The following MYO1B variants were observed in gnomAD, a reference collection of about 807,000 sequenced individuals.
MYO1B encodes the protein unconventional myosin-Ib.
Under a neutral mutation model 159.7 loss-of-function variants are expected in MYO1B, and 72 were observed. The ratio of observed to expected loss-of-function variants is 0.45; its 90% CI spans 0.37 to 0.55. The LOEUF is 0.55. MYO1B is among the 20% of genes least tolerant of loss of function. MYO1B has a pLI of 0.00. For synonymous variants in MYO1B, 468 were observed against 473.8 expected, an observed-to-expected ratio of 0.99 and a Z score of 0.16; for missense variants, 1,062 against 1,364.8, an observed-to-expected ratio of 0.78 and a Z score of 3.50.
intron 7 of MYO1B, among the ~76,000 whole-genome samples, chr2:191,353,412 AG>A (rs1479323981): frequency 6.6e-6 from 1 of 152,228 alleles, no homozygotes. Context: ...ACAAGTCGCA[AG>A]GGATTCTGTC....
In MYO1B at chr2:191,414,101, A is replaced by T. The variant is rs2356643; in HGVS notation, c.2927A>T (p.Tyr976Phe). 1.2e-6 allele frequency: 2 copies of T among 1,613,536 alleles called. No homozygotes were observed. Among genetic ancestry groups the T allele is most frequent in the Non-Finnish European group, 8.5e-7 (1 of 1,179,768 alleles). Residue 976 changes from tyrosine (Y) to phenylalanine (F), a missense_variant, in exon 28 of 31, where the codon TAT becomes TTT. Tyr to Phe is a conservative substitution (Grantham distance 22). This residue lies in a region of MYO1B where 609 missense variants were observed against 744.4 expected (regional missense o/e 0.82). Coordinates refer to ENST00000392318, the MANE Select transcript of MYO1B (RefSeq NM_001130158.3). Reference protein sequence around the residue: ...AYLEINKNPKYKKLKDAIEEK... With the variant: ...AYLEINKNPKFKKLKDAIEEK... ...CTGGAAATCAACAAGAACCCCAAGTATAAGAAACTCAAAGATGCCATTGAA... is the reference window on the plus strand; with the variant it reads ...CTGGAAATCAACAAGAACCCCAAGTTTAAGAAACTCAAAGATGCCATTGAA...
intron 1 of MYO1B, among the ~76,000 whole-genome samples, chr2:191,246,960 A>G (rs888923853): frequency 6.6e-6 from 1 of 152,168 alleles, no homozygotes; most frequent in South Asian, 2.1e-4. Flanking sequence ...ATTAAATGTA[A>G]TGTGTCAGAC....
chr2:191,296,282 A>T, intron 3 of MYO1B, 56 bp downstream of exon 3: 1 of 1,002,888 alleles, frequency 1.0e-6, no homozygotes, highest in Non-Finnish European at 1.5e-6. Flanking sequence ...TGTGTAGTTG[A>T]CAGATGTGTG....
At chr2:191,334,181 G>T (rs959626163) in intron 4 of MYO1B, among the ~76,000 whole-genome samples, 1 of 151,690 alleles carries the variant, frequency 6.6e-6, no homozygotes, top group African/African-American at 2.4e-5. Context: ...TCAGAAGTGG[G>T]TTGCGGTCAT....
chr2:191,402,343 G>C, intron 23 of MYO1B: 1 of 403,454 alleles, frequency 2.5e-6, no homozygotes, highest in South Asian at 2.4e-5. Flanking sequence ...AACAGAGAGA[G>C]AGAACAGGAG....
chr2:191,389,777 C>G (rs1394332816), intron 17 of MYO1B, among the ~76,000 whole-genome samples: 3 of 152,202 alleles, frequency 2.0e-5, no homozygotes, highest in Non-Finnish European at 4.4e-5. Context: ...CATTAAAGTG[C>G]ATGGATCTTA....
intron 30 of MYO1B, among the ~76,000 whole-genome samples, chr2:191,422,678 A>G (rs1406969244): frequency 2.0e-5 from 3 of 152,224 alleles, no homozygotes; most frequent in African/African-American, 7.2e-5. Flanking sequence ...AGCTATTAGC[A>G]TACTATGCAG....
chr2:191,381,729 C>G (rs1007646128), intron 14 of MYO1B, among the ~76,000 whole-genome samples, 163 bp downstream of exon 14: 2 of 152,102 alleles, frequency 1.3e-5, no homozygotes, highest in African/African-American at 4.8e-5. Flanking sequence ...GACTGATTAC[C>G]TATAAGAAGC....
At chr2:191,290,989 C>T (rs1488106223) in intron 2 of MYO1B, among the ~76,000 whole-genome samples, 1 of 152,148 alleles carries the variant, frequency 6.6e-6, no homozygotes, top group Non-Finnish European at 1.5e-5. Flanking sequence ...CCTGGTTCCA[C>T]ATTAGTTTAT....
At chr2:191,315,842 A>G (rs1355692483) in intron 3 of MYO1B, among the ~76,000 whole-genome samples, 1 of 152,250 alleles carries the variant, frequency 6.6e-6, no homozygotes, top group Non-Finnish European at 1.5e-5. Context: ...AAGCAAATCT[A>G]TAAGAGGTAT....
chr2:191,372,332 G>A (rs12995500), intron 13 of MYO1B, among the ~76,000 whole-genome samples: 123,978 of 152,194 alleles, frequency 0.81, 55,043 homozygotes, highest in Non-Finnish European at 0.99. Flanking sequence ...AGGATAATGA[G>A]GTTATGATGG....
intron 6 of MYO1B, among the ~76,000 whole-genome samples, chr2:191,349,725 A>G (rs941101856): frequency 1.3e-5 from 2 of 152,246 alleles, no homozygotes; most frequent in Admixed American, 6.5e-5. Context: ...AGATCTCTGA[A>G]CGTTTCAATT....
At chr2:191,349,348 T>C (rs1178164110) in intron 6 of MYO1B, among the ~76,000 whole-genome samples, 4 of 152,234 alleles carry the variant, frequency 2.6e-5, no homozygotes. Context: ...TGATTGTATT[T>C]CTTCTCCCTT....
chr2:191,295,067 G>A (rs1688903852), intron 2 of MYO1B, among the ~76,000 whole-genome samples: 1 of 151,942 alleles, frequency 6.6e-6, no homozygotes, highest in Non-Finnish European at 1.5e-5. Flanking sequence ...TTTTCCCCTT[G>A]TTTCTTTCTT....
chr2:191,259,972 G>A lies in MYO1B; in HGVS notation c.-10+14346G>A, dbSNP rs577111233. On this transcript the variant is annotated intron_variant, in intron 1 of 30. Coordinates refer to ENST00000392318, the MANE Select transcript of MYO1B (RefSeq NM_001130158.3). ...AGATGAGGGGATCATGGGCAGCTAC[G>A]TGTGGTGGAAGCTGTGGATAATGTT... is the stretch of plus-strand genomic sequence containing the variant. Among the ~76,000 whole-genome samples, 16 of 152,242 alleles carry A rather than the reference G, an allele frequency of 1.1e-4. No homozygotes were observed. The South Asian group carries it at 3.3e-3, about 32-fold the overall frequency.
At chr2:191,368,945 G>C (rs1383578614) in intron 11 of MYO1B, among the ~76,000 whole-genome samples, 2 of 152,148 alleles carry the variant, frequency 1.3e-5, no homozygotes, top group Admixed American at 1.3e-4. Flanking sequence ...CTGCACTCCA[G>C]CCTGGGCAAC....
At chr2:191,367,366 T>G (rs2126029295) in intron 11 of MYO1B, among the ~76,000 whole-genome samples, 1 of 152,288 alleles carries the variant, frequency 6.6e-6, no homozygotes, top group Non-Finnish European at 1.5e-5. Context: ...AGTATTTTCT[T>G]TGGTTTTGTT....
intron 13 of MYO1B, among the ~76,000 whole-genome samples, chr2:191,374,494 C>G (rs1444538125): frequency 6.6e-6 from 1 of 152,064 alleles, no homozygotes; most frequent in Non-Finnish European, 1.5e-5. Context: ...ATGAAAATGC[C>G]TTTTTTAGCT....
chr2:191,364,644 C>T (rs1408886603), intron 11 of MYO1B, among the ~76,000 whole-genome samples: 1 of 152,308 alleles, frequency 6.6e-6, no homozygotes, highest in East Asian at 1.9e-4. Flanking sequence ...AGTGGCATGA[C>T]TGCCTTGTAT....
Sources: allele counts gnomAD v4.1 joint callset (sites outside exome capture counted in the v4.1 genomes callset), GRCh38; gene constraint gnomAD v4.1.1; regional missense constraint gnomAD v4.1.1; transcripts MANE v1.5; gene names NCBI Gene and HGNC (gene_info 2026-07-23, HGNC 2026-07-21).